The following PARD3B variants were observed in gnomAD, a reference collection of about 807,000 sequenced individuals.
PARD3B encodes the protein par-3 family cell polarity regulator beta, also known as partitioning defective 3 homolog B.
Under a neutral mutation model 130.2 loss-of-function variants are expected in PARD3B, and 103 were observed. That is an observed-to-expected ratio of 0.79 (90% CI 0.67 to 0.93). The LOEUF (loss-of-function observed/expected upper bound fraction) is 0.93, where lower values mean the gene tolerates loss of function less well. PARD3B is among the 40% of genes least tolerant of loss of function. PARD3B has a pLI of 0.00. For missense variants in PARD3B, 1,609 were observed against 1,499.2 expected (o/e 1.07, Z -1.21); for synonymous variants, 583 against 553.2 (o/e 1.05, Z -0.76).
rs1306801287 is a variant in PARD3B at position 205,421,156 on chromosome 2, A to C, written c.2742-19214A>C. ...AAAAACAAAAAAAACAAAACAAAAA[A>C]AACGGAAAAGAAAATATGTGCTGTA... On this transcript the variant is annotated intron_variant, in intron 19 of 22. Coordinates refer to ENST00000406610, the MANE Select transcript of PARD3B (RefSeq NM_001302769.2). This position sits in a 1 kb window ranked among gnomAD's most constrained non-coding sequence, Gnocchi z 5.1. Among the ~76,000 whole-genome samples the C allele has an allele frequency of 6.6e-6, 1 of 151,932 alleles. No individual in the cohort carries two copies. The highest frequency in any genetic ancestry group is 1.5e-5 in the Non-Finnish European group (1 of 68,018).
chr2:204,781,287 C>T (rs1259184664), intron 2 of PARD3B, among the ~76,000 whole-genome samples: 3 of 152,054 alleles, frequency 2.0e-5, no homozygotes, highest in Non-Finnish European at 4.4e-5. Flanking sequence ...TAATGACTTT[C>T]ATGTACATTT....
chr2:205,033,836 A>T (rs529986745), intron 3 of PARD3B, among the ~76,000 whole-genome samples: 2 of 152,272 alleles, frequency 1.3e-5, no homozygotes, highest in South Asian at 2.1e-4. Context: ...AGTATCACAA[A>T]CTGAAAGATC....
chr2:205,109,524 A>T (rs953270623), intron 5 of PARD3B, among the ~76,000 whole-genome samples: 3 of 152,214 alleles, frequency 2.0e-5, no homozygotes, highest in Non-Finnish European at 4.4e-5. Context: ...AGTTCTAACA[A>T]TCATACTAAT....
intron 18 of PARD3B, among the ~76,000 whole-genome samples, chr2:205,304,171 C>T (rs917994591): frequency 1.3e-5 from 2 of 152,152 alleles, no homozygotes; most frequent in Non-Finnish European, 1.5e-5. Flanking sequence ...TGAGCCTTCC[C>T]GTTACATTTC....
intron 1 of PARD3B, among the ~76,000 whole-genome samples, chr2:204,563,350 G>A (rs2125059237): frequency 7.1e-6 from 1 of 141,832 alleles, no homozygotes; most frequent in Non-Finnish European, 1.5e-5. Context: ...GATTCCATCT[G>A]TAAAGACTCT....
At position 205,407,281 on chromosome 2, in the gene PARD3B, T is replaced by C. The variant is rs556266841; in HGVS notation, c.2741+6158T>C. On this transcript the variant is annotated intron_variant, in intron 19 of 22. Coordinates refer to ENST00000406610, the MANE Select transcript of PARD3B (RefSeq NM_001302769.2). The surrounding 1 kb of genome is among the most constrained non-coding windows in gnomAD (Gnocchi z 4.1). ...CAAACAGTCTATTGCAATGAAGCCC[T>C]GCATTAAATAAACTCATCATTTTGT... 1.3e-5 allele frequency among the ~76,000 whole-genome samples: 2 copies of C among 152,286 alleles called. No individual in the cohort carries two copies. Among genetic ancestry groups the C allele is most frequent in the East Asian group, 3.9e-4 (2 of 5,176 alleles).
chr2:205,587,458 A>C (rs1045431396), intron 22 of PARD3B, among the ~76,000 whole-genome samples: 22 of 152,136 alleles, frequency 1.4e-4, no homozygotes, highest in African/African-American at 5.3e-4. Flanking sequence ...CACTGCTCTA[A>C]TGTTCTCAAT....
chr2:205,065,377 C>A (rs576868049), intron 4 of PARD3B, among the ~76,000 whole-genome samples: 2 of 152,218 alleles, frequency 1.3e-5, no homozygotes, highest in East Asian at 1.9e-4. Flanking sequence ...ATAAAACACA[C>A]ACAAAAAAAG....
chr2:205,548,316 A>G (rs1395909230), intron 21 of PARD3B, among the ~76,000 whole-genome samples: 1 of 152,116 alleles, frequency 6.6e-6, no homozygotes, highest in Non-Finnish European at 1.5e-5. Context: ...GCAAACCATT[A>G]TACTCAACGA....
At chr2:205,471,175 T>G (rs746235074) in intron 20 of PARD3B, among the ~76,000 whole-genome samples, 2 of 152,132 alleles carry the variant, frequency 1.3e-5, no homozygotes, top group South Asian at 2.1e-4. Flanking sequence ...GTTTCCTAGA[T>G]GTATTGTAGA....
At chr2:205,182,939 T>G (rs1316505491) in intron 13 of PARD3B, among the ~76,000 whole-genome samples, 1 of 152,026 alleles carries the variant, frequency 6.6e-6, no homozygotes, top group Non-Finnish European at 1.5e-5. Flanking sequence ...CAGCCCACAT[T>G]CCATTTGCAA....
intron 3 of PARD3B, among the ~76,000 whole-genome samples, chr2:204,969,486 T>A (rs1023126807): frequency 3.3e-5 from 5 of 152,180 alleles, no homozygotes; most frequent in Admixed American, 6.5e-5. Flanking sequence ...CAGAAAAACG[T>A]TTGTGAAATG....
chr2:205,561,584 G>A (rs557909285), intron 22 of PARD3B, among the ~76,000 whole-genome samples: 66 of 152,238 alleles, frequency 4.3e-4, no homozygotes, highest in Non-Finnish European at 6.6e-4. Context: ...CAGTCATGCC[G>A]GCGGTTGGAA....
chr2:205,102,389 A>G (rs562752512), intron 4 of PARD3B, among the ~76,000 whole-genome samples: 1 of 151,564 alleles, frequency 6.6e-6, no homozygotes, highest in Non-Finnish European at 1.5e-5. Flanking sequence ...CCTGACATAC[A>G]TGATAATCAC....
intron 22 of PARD3B, among the ~76,000 whole-genome samples, chr2:205,553,989 C>A (rs773803253): frequency 6.6e-6 from 1 of 152,140 alleles, no homozygotes; most frequent in Non-Finnish European, 1.5e-5. Flanking sequence ...AACTCAACAC[C>A]CTTGAAAATG....
chr2:205,115,663 T>C (rs895776358), intron 6 of PARD3B, among the ~76,000 whole-genome samples: 5 of 152,104 alleles, frequency 3.3e-5, no homozygotes, highest in Admixed American at 2.6e-4. Context: ...CAATAAAAGT[T>C]AAGGAGTAAT....
chr2:204,724,022 T>C (rs62177805), intron 2 of PARD3B, among the ~76,000 whole-genome samples: 2,522 of 152,302 alleles, frequency 0.017, 44 homozygotes, highest in Middle Eastern at 0.031. Flanking sequence ...TTACTGACCT[T>C]ATGGCTAATG....
chr2:205,385,798 C>T (rs907190794), intron 18 of PARD3B, among the ~76,000 whole-genome samples: 4 of 152,010 alleles, frequency 2.6e-5, no homozygotes, highest in African/African-American at 9.7e-5. Flanking sequence ...AATTAAAATG[C>T]ATATATACGT....
chr2:205,113,105 C>T (rs1015273162), intron 5 of PARD3B, among the ~76,000 whole-genome samples: 2 of 152,038 alleles, frequency 1.3e-5, no homozygotes, highest in African/African-American at 4.8e-5. Context: ...CATCGATGTG[C>T]TTTCTTCTGT....
Sources: allele counts gnomAD v4.1 joint callset (sites outside exome capture counted in the v4.1 genomes callset), GRCh38; gene constraint gnomAD v4.1.1; non-coding constraint Gnocchi (gnomAD v3.1); transcripts MANE v1.5; gene names NCBI Gene and HGNC (gene_info 2026-07-23, HGNC 2026-07-21).